PROKR1: variants seen among roughly 807,000 people sequenced by gnomAD.
PROKR1 encodes the protein G protein-coupled receptor 73.
A neutral mutation model predicts 22.8 loss-of-function variants in PROKR1; 21 were observed. The ratio of observed to expected loss-of-function variants is 0.92; its 90% CI spans 0.65 to 1.32. PROKR1 has a LOEUF of 1.32. Among genes scored for constraint, PROKR1 ranks in the 40% most tolerant of loss-of-function variants. The probability of loss-of-function intolerance (pLI) is 0.00; values close to 1 mark genes in which losing one functional copy is unlikely to be tolerated. For synonymous variants in PROKR1, 193 were observed against 207.5 expected (o/e 0.93, Z 0.60); for missense variants, 548 against 514.2 (o/e 1.07, Z -0.64).
chr2:68,646,416 C>T, intron 2 of PROKR1, 110 bp downstream of exon 2: 1 of 1,480,786 alleles, frequency 6.8e-7, no homozygotes, highest in Non-Finnish European at 9.2e-7. Flanking sequence ...CTCTATTCCC[C>T]CTAGATGTGG....
chr2:68,653,391 G>T (rs903987900), intron 2 of PROKR1, among the ~76,000 whole-genome samples: 2 of 151,608 alleles, frequency 1.3e-5, no homozygotes, highest in Non-Finnish European at 2.9e-5. Flanking sequence ...CCCAGGCTGT[G>T]GGGGAGGGAC....
Position 68,646,042 on chromosome 2 carries a change from T to A in PROKR1, c.221T>A (p.Leu74Gln). Residue 74 changes from leucine to glutamine, a missense_variant, in exon 2 of 3, where the codon CTG becomes CAG. Coordinates refer to ENST00000303786, the MANE Select transcript of PROKR1 (RefSeq NM_138964.4). ...GGGATGGCCCTGGTGGGCATCATGCTGGTCTGCGGCATTGGAAACTTCATC... is the reference window on the plus strand; with the variant it reads ...GGGATGGCCCTGGTGGGCATCATGCAGGTCTGCGGCATTGGAAACTTCATC... ...VIGMALVGIM[L>Q]VCGIGNFIFI... 1 of 1,614,278 alleles carries A rather than the reference T, an allele frequency of 6.2e-7. No homozygotes were observed. Among genetic ancestry groups the A allele is most frequent in the South Asian group, 1.1e-5 (1 of 91,086 alleles).
At chr2:68,649,934 T>C (rs1326041607) in intron 2 of PROKR1, among the ~76,000 whole-genome samples, 1 of 151,878 alleles carries the variant, frequency 6.6e-6, no homozygotes, top group Non-Finnish European at 1.5e-5. Flanking sequence ...TAATCTTCTG[T>C]CTTGTACGTG....
chr2:68,656,303 G>T lies in PROKR1; in HGVS notation c.*727G>T, dbSNP rs1673452031. 1 of 153,274 alleles carries T rather than the reference G, an allele frequency of 6.5e-6. No homozygotes were observed. 9.5% of individuals were successfully genotyped at this position (153,274 alleles called of 1,614,324 possible). ...TCTGGGTACCTGGAGTAAGTCCAGA[G>T]GGGGAAGCCTGGATTCAGGGTAAGC... On this transcript the variant is annotated 3_prime_UTR_variant, in exon 3 of 3. Transcript: ENST00000303786.
At chr2:68,650,001 G>A (rs777127847) in intron 2 of PROKR1, among the ~76,000 whole-genome samples, 5 of 146,706 alleles carry the variant, frequency 3.4e-5, no homozygotes, top group Non-Finnish European at 7.4e-5. Flanking sequence ...TCACTCATAG[G>A]TGGGAATTGA....
intron 2 of PROKR1, among the ~76,000 whole-genome samples, chr2:68,646,575 T>C (rs1673184678): frequency 6.6e-6 from 1 of 152,212 alleles, no homozygotes; most frequent in African/African-American, 2.4e-5. Context: ...TTTTCCTAGA[T>C]ATTACACCTT....
rs1673111554 is a variant in PROKR1 at position 68,643,579 on chromosome 2, A to G, written c.-430A>G. 6.6e-6 allele frequency: 1 copy of G among 152,210 alleles called. No homozygotes were observed. Among genetic ancestry groups the G allele is most frequent in the Non-Finnish European group, 1.5e-5 (1 of 68,052 alleles). The allele number at this position is 152,210 out of a possible 1,614,324, so 9.4% of individuals were successfully genotyped here. A position where few individuals can be genotyped will look rare whatever the true frequency, so the allele number is the denominator to read the frequency against. On this transcript the variant is annotated 5_prime_UTR_variant, in exon 1 of 3. Transcript: ENST00000303786. ...AGGGCGATCCCGGCCTCTGCAGCCCAGCTGGCGACACGCCTCGCCAAGAGC... is the reference window on the plus strand; with the variant it reads ...AGGGCGATCCCGGCCTCTGCAGCCCGGCTGGCGACACGCCTCGCCAAGAGC...
intron 2 of PROKR1, 132 bp downstream of exon 2, chr2:68,646,438 A>G: frequency 2.2e-6 from 3 of 1,348,318 alleles, no homozygotes; most frequent in Non-Finnish European, 3.1e-6. Flanking sequence ...TGCATGGGGG[A>G]CTCAAAAGCT....
Position 68,655,344 on chromosome 2 carries a change from A to G in PROKR1, c.950A>G (p.Glu317Gly). 6.2e-7 allele frequency: 1 copy of G among 1,614,238 alleles called. No individual in the cohort carries two copies. Among genetic ancestry groups the G allele is most frequent in the Non-Finnish European group, 8.5e-7 (1 of 1,180,020 alleles). ...TTCTTCCCCACCGTGTTTGTGAAGGAGAAGCACTACCTCACTGCCTTCTAC... is the reference window on the plus strand; with the variant it reads ...TTCTTCCCCACCGTGTTTGTGAAGGGGAAGCACTACCTCACTGCCTTCTAC... ...RDFFPTVFVK[E>G]KHYLTAFYIV... Residue 317 changes from glutamate to glycine, a missense_variant, in exon 3 of 3, where the codon GAG becomes GGG. Physicochemically the swap from Glu to Gly is moderately conservative, Grantham distance 98 (BLOSUM62 -2). Transcript: ENST00000303786.
In PROKR1 at chr2:68,656,314, G is replaced by A. The variant is rs1407104715; in HGVS notation, c.*738G>A. 6.5e-6 allele frequency: 1 copy of A among 152,968 alleles called. No homozygotes were observed. Among genetic ancestry groups the A allele is most frequent in the Non-Finnish European group, 1.5e-5 (1 of 68,690 alleles). The allele number at this position is 152,968 out of a possible 1,614,324, so 9.5% of individuals were successfully genotyped here. A position where few individuals can be genotyped will look rare whatever the true frequency, so the allele number is the denominator to read the frequency against. On this transcript the variant is annotated 3_prime_UTR_variant, in exon 3 of 3. Transcript: ENST00000303786. ...GGAGTAAGTCCAGAGGGGGAAGCCT[G>A]GATTCAGGGTAAGCATGTCCCCTGG...
rs78737469 is a variant in PROKR1, at chr2:68,644,666, C to T, written c.-161+818C>T. Among the ~76,000 whole-genome samples, 1,170 of 152,284 alleles carry T rather than the reference C, an allele frequency of 7.7e-3. 14 individuals carry two copies. Among genetic ancestry groups the T allele is most frequent in the African/African-American group, 0.027 (1,115 of 41,548 alleles). On this transcript the variant is annotated intron_variant, in intron 1 of 2. Coordinates refer to ENST00000303786, the MANE Select transcript of PROKR1 (RefSeq NM_138964.4). Reference sequence around the variant, plus strand: ...GGAAAACTCTGGCTTGCATTCTTCCCTCTGTTCTCCTGACATTTGTTTTAG... The same window carrying T: ...GGAAAACTCTGGCTTGCATTCTTCCTTCTGTTCTCCTGACATTTGTTTTAG...
At chr2:68,644,247 A>G (rs1283643725) in intron 1 of PROKR1, among the ~76,000 whole-genome samples, 1 of 152,002 alleles carries the variant, frequency 6.6e-6, no homozygotes, top group Non-Finnish European at 1.5e-5. Flanking sequence ...CACTACTTTG[A>G]CCCTTCAGGT....
At chr2:68,651,305 G>C (rs761858392) in intron 2 of PROKR1, among the ~76,000 whole-genome samples, 4 of 152,174 alleles carry the variant, frequency 2.6e-5, no homozygotes, top group Non-Finnish European at 4.4e-5. Context: ...AGAAGCTGCA[G>C]TGAGCTGTTA....
chr2:68,655,012 C>T lies in PROKR1; in HGVS notation c.618C>T (p.Leu206=), dbSNP rs1558580175. 1 of 1,613,726 alleles carries T rather than the reference C, an allele frequency of 6.2e-7. No individual in the cohort carries two copies. The highest frequency in any genetic ancestry group is 1.3e-5 in the African/African-American group (1 of 75,000). ...CCTACTTCACCACCGAGACGGTCCTCGTCATTGTCAAGAGCCAGGAAAAGA... is the reference window on the plus strand; with the variant it reads ...CCTACTTCACCACCGAGACGGTCCTTGTCATTGTCAAGAGCCAGGAAAAGA... ...PSAYFTTETV[L]VIVKSQEKIF... is the part of the protein sequence containing the mutation. Residue 206 remains leucine (L), a synonymous_variant, in exon 3 of 3, where the codon CTC becomes CTT. Coordinates refer to ENST00000303786, the MANE Select transcript of PROKR1 (RefSeq NM_138964.4).
At chr2:68,644,027 C>T (rs1673122459) in intron 1 of PROKR1, among the ~76,000 whole-genome samples, 179 bp downstream of exon 1, 1 of 152,136 alleles carries the variant, frequency 6.6e-6, no homozygotes, top group Non-Finnish European at 1.5e-5. Context: ...TGCCCAGGCT[C>T]CAGGGAGAAA....
At chr2:68,649,519 G>A (rs550580729) in intron 2 of PROKR1, 25 of 152,230 alleles carry the variant, frequency 1.6e-4, no homozygotes, top group Non-Finnish European at 2.4e-4. Flanking sequence ...CTGGAGATAC[G>A]ACAGTGAATA....
chr2:68,657,838 G>A lies in PROKR1; in HGVS notation c.*2262G>A, dbSNP rs1386254727. ...TTTATTTCTTCCCATTTATCACCCA[G>A]TAGACTTACCCTACAATTTAATCAG... On this transcript the variant is annotated 3_prime_UTR_variant, in exon 3 of 3. Coordinates refer to ENST00000303786, the MANE Select transcript of PROKR1 (RefSeq NM_138964.4). 3 of 152,120 alleles carry A rather than the reference G, an allele frequency of 2.0e-5. No homozygotes were observed. The highest frequency in any genetic ancestry group is 7.2e-5 in the African/African-American group (3 of 41,408). 9.4% of individuals were successfully genotyped at this position (152,120 alleles called of 1,614,324 possible).
At position 68,646,251 on chromosome 2, in the gene PROKR1, C is replaced by T. The variant is rs149410240; in HGVS notation, c.430C>T (p.Arg144Cys). Reference sequence around the variant, plus strand: ...CCTGTGCACCTCTGTCAACTACCTGCGCACTGTCTCTCTCTATGTCTCCAC... The same window carrying T: ...CCTGTGCACCTCTGTCAACTACCTGTGCACTGTCTCTCTCTATGTCTCCAC... ...HVLCTSVNYL[R>C]TVSLYVSTNA... The change falls in exon 2 of 3, where the codon CGC (arginine) becomes TGC (cysteine). Residue 144 changes from arginine (R) to cysteine (C), a missense_variant. Arg to Cys is a radical substitution (Grantham distance 180). Coordinates refer to ENST00000303786, the MANE Select transcript of PROKR1 (RefSeq NM_138964.4). 37 of 1,614,016 alleles carry T rather than the reference C, an allele frequency of 2.3e-5. No individual in the cohort carries two copies. The highest frequency in any genetic ancestry group is 1.6e-4 in the Middle Eastern group (1 of 6,084).
chr2:68,644,853 G>C (rs751977552), intron 1 of PROKR1, among the ~76,000 whole-genome samples: 1 of 152,094 alleles, frequency 6.6e-6, no homozygotes, highest in Non-Finnish European at 1.5e-5. Flanking sequence ...CCTCACCCCA[G>C]CCCCATTATG....
Sources: allele counts gnomAD v4.1 joint callset (sites outside exome capture counted in the v4.1 genomes callset), GRCh38; gene constraint gnomAD v4.1.1; transcripts MANE v1.5; gene names NCBI Gene and HGNC (gene_info 2026-07-23, HGNC 2026-07-21).